Variants in GRAMD1B observed in about 807,000 individuals in gnomAD.
The protein encoded by GRAMD1B is GRAM domain containing 1B.
In GRAMD1B, 37 loss-of-function variants were observed where a neutral mutation model predicts 99.7. That is an observed-to-expected ratio of 0.37 (90% CI 0.29 to 0.49). The LOEUF (loss-of-function observed/expected upper bound fraction) is 0.49. Ranked by LOEUF, GRAMD1B falls within the 20% of genes least tolerant of loss-of-function variation. The pLI is 0.98. For synonymous variants in GRAMD1B, 427 were observed against 387.6 expected (o/e 1.10, Z -1.19); for missense variants, 888 against 1,009.2 (o/e 0.88, Z 1.63).
At chr11:123,430,260 CCT>C (rs34538887), upstream of GRAMD1B, 41,118 of 143,134 alleles carry the variant, frequency 0.29, 7,276 homozygotes, top group East Asian at 0.65. Flanking sequence ...TGTCTCGCTT[CCT>C]CTCTCTCTCT....
intron 1 of GRAMD1B, among the ~76,000 whole-genome samples, chr11:123,460,706 G>A (rs1482147086): frequency 2.6e-5 from 4 of 152,298 alleles, no homozygotes; most frequent in Non-Finnish European, 5.9e-5. Context: ...TTTGGGGGGC[G>A]GACAGGAGTG....
chr11:123,536,495 C>T (rs1024084791), intron 2 of GRAMD1B, among the ~76,000 whole-genome samples: 1 of 152,126 alleles, frequency 6.6e-6, no homozygotes, highest in Non-Finnish European at 1.5e-5. Context: ...GTTGTGAAGA[C>T]TGTCAGGATT....
chr11:123,505,258 C>G (rs1230408306), intron 2 of GRAMD1B, among the ~76,000 whole-genome samples: 2 of 151,970 alleles, frequency 1.3e-5, no homozygotes. Flanking sequence ...TCCTGAACTC[C>G]TGGCCTCAAG....
At chr11:123,444,870 T>C (rs117791926) in intron 1 of GRAMD1B, among the ~76,000 whole-genome samples, 1,942 of 152,312 alleles carry the variant, frequency 0.013, 29 homozygotes, top group Non-Finnish European at 0.019. Flanking sequence ...TAGGTGGAGC[T>C]GAGAGATCCA....
At chr11:123,608,292 C>A in intron 11 of GRAMD1B, 1 of 582,580 alleles carries the variant, frequency 1.7e-6, no homozygotes, top group Non-Finnish European at 3.0e-6. Context: ...TACAGACTCT[C>A]AAAACCCCAT....
Position 123,478,740 on chromosome 11 carries a change from C to T in GRAMD1B, c.375-2076C>T, listed in dbSNP as rs183446628. Among the ~76,000 whole-genome samples the T allele has an allele frequency of 4.0e-3, 616 of 152,298 alleles. 2 individuals are homozygous for T. Among genetic ancestry groups the T allele is most frequent in the Non-Finnish European group, 6.4e-3 (432 of 68,026 alleles). On this transcript the variant is annotated intron_variant, in intron 1 of 19. Coordinates refer to ENST00000635736, the MANE Select transcript of GRAMD1B (RefSeq NM_001387025.1). ...TAGGAAGAACCAGCCCATCCTGGCT[C>T]AGCGGGGTCAAGTTTGACCCCTGCT...
intron 1 of GRAMD1B, among the ~76,000 whole-genome samples, chr11:123,432,968 G>A (rs1948969965): frequency 1.3e-5 from 2 of 152,308 alleles, no homozygotes; most frequent in East Asian, 1.9e-4. Flanking sequence ...GCTGGGGATA[G>A]AAGTTCTTTC....
rs111454416 is a variant in GRAMD1B, at chr11:123,533,712, C to T, written c.453-43655C>T. Among the ~76,000 whole-genome samples the T allele has an allele frequency of 8.8e-3, 1,342 of 152,364 alleles. 28 individuals carry two copies. Among genetic ancestry groups the T allele is most frequent in the South Asian group, 0.065 (316 of 4,832 alleles). On this transcript the variant is annotated intron_variant, in intron 2 of 19. Coordinates refer to ENST00000635736, the MANE Select transcript of GRAMD1B (RefSeq NM_001387025.1). ...GGAGTGCTGGGTTTACTGGCGTGAG[C>T]CACTGTGCCTGGCCTCAGCCTATGT...
At chr11:123,615,364 A>T (rs1432950532) in intron 17 of GRAMD1B, among the ~76,000 whole-genome samples, 2 of 152,256 alleles carry the variant, frequency 1.3e-5, no homozygotes, top group Admixed American at 1.3e-4. Flanking sequence ...TGACATTATA[A>T]AACAGTAGGC....
intron 2 of GRAMD1B, among the ~76,000 whole-genome samples, chr11:123,554,536 A>AG (rs916693714): frequency 6.6e-6 from 1 of 151,106 alleles, no homozygotes; most frequent in Non-Finnish European, 1.5e-5. Flanking sequence ...AAAAAAAAAA[A>AG]AAAAAAAAAG....
chr11:123,579,115 A>AT (rs767054539), intron 3 of GRAMD1B, among the ~76,000 whole-genome samples: 1 of 152,226 alleles, frequency 6.6e-6, no homozygotes, highest in Non-Finnish European at 1.5e-5. Flanking sequence ...GTTGGCAAAC[A>AT]TTGGCAGAAC....
intron 2 of GRAMD1B, among the ~76,000 whole-genome samples, chr11:123,482,632 AAAG>A (rs778014480): frequency 4.2e-4 from 64 of 152,370 alleles, no homozygotes; most frequent in Admixed American, 1.2e-3. Context: ...GGATTAAACA[AAAG>A]AAGAAGATGT....
chr11:123,402,038 C>G (rs966567542), intron 1 of GRAMD1B, among the ~76,000 whole-genome samples: 1 of 152,200 alleles, frequency 6.6e-6, no homozygotes, highest in Non-Finnish European at 1.5e-5. Flanking sequence ...ACTAATGTCC[C>G]CAAAAGGCCA....
chr11:123,575,118 A>C (rs1419445647), intron 2 of GRAMD1B, among the ~76,000 whole-genome samples: 1 of 152,072 alleles, frequency 6.6e-6, no homozygotes, highest in African/African-American at 2.4e-5. Context: ...AGGAGTTCTC[A>C]TGCTTTGATC....
At chr11:123,473,634 G>T (rs1218347994) in intron 1 of GRAMD1B, among the ~76,000 whole-genome samples, 2 of 152,102 alleles carry the variant, frequency 1.3e-5, no homozygotes, top group Non-Finnish European at 2.9e-5. Context: ...ATATTTAGCT[G>T]GATTTTGAAT....
intron 2 of GRAMD1B, among the ~76,000 whole-genome samples, chr11:123,489,232 A>T (rs1938263675): frequency 6.6e-6 from 1 of 152,190 alleles, no homozygotes; most frequent in East Asian, 1.9e-4. Context: ...GTCGAGGACG[A>T]AGGATTTGAG....
chr11:123,443,611 G>T (rs1276018432), intron 1 of GRAMD1B, among the ~76,000 whole-genome samples: 1 of 151,614 alleles, frequency 6.6e-6, no homozygotes, highest in Non-Finnish European at 1.5e-5. Context: ...TGTCACCTAG[G>T]CTGGAGTGCA....
intron 4 of GRAMD1B, among the ~76,000 whole-genome samples, chr11:123,593,386 C>T (rs1035369716): frequency 6.6e-6 from 1 of 152,120 alleles, no homozygotes; most frequent in African/African-American, 2.4e-5. Flanking sequence ...GAGCACAGGA[C>T]CAGGGGTCAT....
chr11:123,492,900 AG>A lies in GRAMD1B; in HGVS notation c.452+12009del, dbSNP rs1938753263. Among the ~76,000 whole-genome samples, 1 of 151,496 alleles carries A rather than the reference AG, an allele frequency of 6.6e-6. No homozygotes were observed. Among genetic ancestry groups the A allele is most frequent in the Non-Finnish European group, 1.5e-5 (1 of 67,954 alleles). On this transcript the variant is annotated intron_variant, in intron 2 of 19. Coordinates refer to ENST00000635736, the MANE Select transcript of GRAMD1B (RefSeq NM_001387025.1). This position sits in a 1 kb window ranked among gnomAD's most constrained non-coding sequence, Gnocchi z 4.2. The stretch of plus-strand genomic sequence containing the variant: ...CACACACACACACACACACACGCAT[AG>A]GCATAGATGCCTGTGATTGTTTAGC...
Sources: gnomAD v4.1 joint callset for allele counts (sites outside exome capture counted in the v4.1 genomes callset) on GRCh38, gnomAD v4.1.1 for gene constraint, Gnocchi (gnomAD v3.1) non-coding constraint, MANE v1.5 for transcripts, NCBI Gene and HGNC (gene_info 2026-07-23, HGNC 2026-07-21) for gene names.